Variants in FHDC1 observed in about 807,000 individuals in gnomAD.
FHDC1 encodes the protein FH2 domain containing 1.
Under a neutral mutation model 52.6 loss-of-function variants are expected in FHDC1, and 25 were observed. The observed-to-expected ratio is 0.48, with a 90% confidence interval of 0.35 to 0.66. FHDC1 has a LOEUF of 0.66. Among genes scored for constraint, FHDC1 ranks in the 30% least tolerant of loss-of-function variants. FHDC1 has a pLI of 0.01. For missense variants in FHDC1, 1,459 were observed against 1,452.8 expected, an observed-to-expected ratio of 1.00 and a Z score of -0.07; for synonymous variants, 616 against 581.5, an observed-to-expected ratio of 1.06 and a Z score of -0.85.
At chr4:152,948,982 G>C (rs1377537176) in intron 2 of FHDC1, among the ~76,000 whole-genome samples, 3 of 151,650 alleles carry the variant, frequency 2.0e-5, no homozygotes, top group Non-Finnish European at 4.4e-5. Flanking sequence ...CCCGTTACTC[G>C]GGAGGCTGAT....
intron 2 of FHDC1, among the ~76,000 whole-genome samples, chr4:152,951,218 C>T (rs1280366150): frequency 1.3e-5 from 2 of 152,214 alleles, no homozygotes; most frequent in Non-Finnish European, 1.5e-5. Context: ...GTAACTATAT[C>T]AACATACAGA....
chr4:152,942,447 T>G (rs911155777), intron 1 of FHDC1, among the ~76,000 whole-genome samples: 1 of 152,164 alleles, frequency 6.6e-6, no homozygotes, highest in Admixed American at 6.5e-5. Flanking sequence ...CCAAATGCCC[T>G]GTCTTATCCG....
chr4:152,962,940 G>GAT lies in FHDC1; in HGVS notation c.921+56_921+57insAT. On this transcript the variant is annotated intron_variant, in intron 7 of 11. Coordinates refer to ENST00000511601, the MANE Select transcript of FHDC1 (RefSeq NM_001371116.1). ...ATGTTTTCAACCTTGTCTATCTAAA[G>GAT]GTGTGTGTGTGTGTGTGTGTGTGTG... is the stretch of plus-strand genomic sequence containing the variant. 4.3e-6 allele frequency: 4 copies of GAT among 934,994 alleles called. No homozygotes were observed. In the South Asian group the frequency reaches 6.1e-5, roughly 14 times the overall value. 57.9% of individuals were successfully genotyped at this position (934,994 alleles called of 1,614,324 possible). A position where few individuals can be genotyped will look rare whatever the true frequency, so the allele number is the denominator to read the frequency against.
At chr4:152,917,264 A>G in the FHDC1 span, among the ~76,000 whole-genome samples, 2 of 152,168 alleles carry the variant, frequency 1.3e-5, no homozygotes, top group Non-Finnish European at 2.9e-5. Context: ...CTGTACTACT[A>G]TAGATTTTTT....
At chr4:152,918,819 A>G in the FHDC1 span, among the ~76,000 whole-genome samples, 1 of 152,356 alleles carries the variant, frequency 6.6e-6, no homozygotes, top group East Asian at 1.9e-4. Context: ...GCACTCTTAC[A>G]TCTTAACTCA....
chr4:152,952,421 C>T (rs748586823), intron 2 of FHDC1, among the ~76,000 whole-genome samples: 3 of 152,010 alleles, frequency 2.0e-5, no homozygotes, highest in Admixed American at 6.6e-5. Flanking sequence ...AAATTTAAAA[C>T]ATTTAAAGTG....
chr4:152,950,992 C>T (rs898094269), intron 2 of FHDC1, among the ~76,000 whole-genome samples: 1 of 152,160 alleles, frequency 6.6e-6, no homozygotes, highest in African/African-American at 2.4e-5. Flanking sequence ...TTCACTTTTC[C>T]TGCAGCAATG....
rs746780500 is a variant in FHDC1 at position 152,975,775 on chromosome 4, C to T, written c.2484C>T (p.Pro828=). The part of the protein sequence containing the change: ...SQVSSNPTSS[P]PGEAPAPVSV... ...TCTCCTCCAACCCTACATCCAGCCC[C>T]CCTGGGGAGGCTCCTGCCCCCGTCT... is the stretch of plus-strand genomic sequence containing the variant. The change falls in exon 12 of 12, where the codon CCC becomes CCT. Residue 828 remains proline (P), a synonymous_variant. Transcript: ENST00000511601. 1 of 1,555,392 alleles carries T rather than the reference C, an allele frequency of 6.4e-7. No individual in the cohort carries two copies. The highest frequency in any genetic ancestry group is 1.2e-5 in the South Asian group (1 of 81,160).
the FHDC1 span, chr4:152,927,356 A>G: frequency 2.1e-5 from 15 of 719,566 alleles, no homozygotes; most frequent in South Asian, 1.3e-4. Flanking sequence ...GTGGTTGCCA[A>G]TTGTGAACCC....
the FHDC1 span, among the ~76,000 whole-genome samples, chr4:152,926,485 C>G: frequency 6.6e-6 from 1 of 150,952 alleles, no homozygotes; most frequent in Non-Finnish European, 1.5e-5. Flanking sequence ...GAACAAAACC[C>G]AGGCTGATGT....
chr4:152,957,024 G>A (rs1740108615), intron 4 of FHDC1, among the ~76,000 whole-genome samples: 1 of 152,146 alleles, frequency 6.6e-6, no homozygotes, highest in Admixed American at 6.5e-5. Context: ...GTGTCCCCTG[G>A]CACCAGTCAG....
At chr4:152,955,406 T>A (rs1740052486) in intron 4 of FHDC1, among the ~76,000 whole-genome samples, 2 of 152,254 alleles carry the variant, frequency 1.3e-5, no homozygotes, top group Admixed American at 1.3e-4. Context: ...AAAATTTCAG[T>A]AAGAAATTAC....
chr4:152,977,158 A>C lies in FHDC1; in HGVS notation c.*435A>C, dbSNP rs1229661054. On this transcript the variant is annotated 3_prime_UTR_variant, in exon 12 of 12. Transcript: ENST00000511601. ...CTGTAATCCAGCACTTTGGGAGGCT[A>C]AGATGAGTGGATTGCTTGAGCCTAG... The C allele has an allele frequency of 6.5e-6, 1 of 153,330 alleles. No individual in the cohort carries two copies. The allele number at this position is 153,330 out of a possible 1,614,324, so 9.5% of individuals were successfully genotyped here. A position where few individuals can be genotyped will look rare whatever the true frequency, so the allele number is the denominator to read the frequency against.
the FHDC1 span, among the ~76,000 whole-genome samples, chr4:152,912,856 C>T: frequency 6.6e-6 from 1 of 152,168 alleles, no homozygotes; most frequent in African/African-American, 2.4e-5. Flanking sequence ...GGTCCAGGAA[C>T]TATCTGGGTT....
chr4:152,960,890 C>A, intron 6 of FHDC1, 46 bp downstream of exon 6: 1 of 1,410,812 alleles, frequency 7.1e-7, no homozygotes, highest in Non-Finnish European at 9.6e-7. Flanking sequence ...TTATTAATTT[C>A]GATAGCAGTT....
chr4:152,976,215 T>C lies in FHDC1; in HGVS notation c.2924T>C (p.Leu975Pro). 6.2e-7 allele frequency: 1 copy of C among 1,612,978 alleles called. No individual in the cohort carries two copies. The highest frequency in any genetic ancestry group is 1.1e-5 in the South Asian group (1 of 91,076). ...SSTRPGRDVP[L>P]QPRGSFKKPS... ...ACCCGTCCGGGGAGGGACGTTCCCC[T>C]GCAGCCCAGGGGTTCTTTCAAGAAG... The change falls in exon 12 of 12, where the codon CTG (leucine) becomes CCG (proline). Residue 975 changes from leucine to proline, a missense_variant. Physicochemically the swap from Leu to Pro is moderately conservative, Grantham distance 98. This residue lies in a region of FHDC1 where 939 missense variants were observed against 854.5 expected (regional missense o/e 1.10). Coordinates refer to ENST00000511601, the MANE Select transcript of FHDC1 (RefSeq NM_001371116.1).
Position 152,974,756 on chromosome 4 carries a change from A to G in FHDC1, c.1465A>G (p.Thr489Ala), listed in dbSNP as rs768682815. The change falls in exon 12 of 12, where the codon ACT becomes GCT. Residue 489 changes from threonine to alanine, a missense_variant. Coordinates refer to ENST00000511601, the MANE Select transcript of FHDC1 (RefSeq NM_001371116.1). The stretch of plus-strand genomic sequence containing the variant: ...GGAGCAGAAGCAGCGCTCCTGGGCA[A>G]CTGGGGAGCTGGGGGCATTTGGCCG... ...EQEQKQRSWA[T>A]GELGAFGRSS... The G allele has an allele frequency of 1.8e-5, 28 of 1,528,582 alleles. No homozygotes were observed. The highest frequency in any genetic ancestry group is 2.4e-5 in the Non-Finnish European group (27 of 1,136,836). The allele number at this position is 1,528,582 out of a possible 1,614,324, so 94.7% of individuals were successfully genotyped here.
chr4:152,916,493 C>T, the FHDC1 span, among the ~76,000 whole-genome samples: 1 of 151,472 alleles, frequency 6.6e-6, no homozygotes, highest in Admixed American at 6.6e-5. Context: ...AAAATGTTAG[C>T]AATTGTTGAA....
chr4:152,949,090 GTAATAATAATAATAATAATAATAA>G (rs368429472), intron 2 of FHDC1, among the ~76,000 whole-genome samples: 2 of 117,542 alleles, frequency 1.7e-5, no homozygotes, highest in African/African-American at 6.7e-5. Flanking sequence ...CCTTGTCTCA[GTAATAATAATAATAATAATAATAA>G]TAATAATAAT....
Sources: allele counts gnomAD v4.1 joint callset (sites outside exome capture counted in the v4.1 genomes callset), GRCh38; gene constraint gnomAD v4.1.1; regional missense constraint gnomAD v4.1.1; transcripts MANE v1.5; gene names NCBI Gene and HGNC (gene_info 2026-07-23, HGNC 2026-07-21).